Variants in LRRC69 observed in about 807,000 individuals in gnomAD.
LRRC69 encodes leucine-rich repeat-containing protein 69.
In LRRC69, 42 loss-of-function variants were observed where a neutral mutation model predicts 37.8. The ratio of observed to expected loss-of-function variants is 1.11; its 90% CI spans 0.87 to 1.44. The LOEUF is 1.44. Among genes scored for constraint, LRRC69 ranks in the 40% most tolerant of loss-of-function variants. The pLI is 0.00. For synonymous variants in LRRC69, 141 were observed against 143.1 expected (o/e 0.99, Z 0.11); for missense variants, 357 against 401.9 (o/e 0.89, Z 0.96).
Position 91,114,455 on chromosome 8 carries a change from G to GTGTGTGTGTATA in LRRC69, c.184-10037_184-10036insGTGTGTGTATAT, listed in dbSNP as rs142337818. Among the ~76,000 whole-genome samples, 53 of 151,086 alleles carry GTGTGTGTGTATA rather than the reference G, an allele frequency of 3.5e-4. 1 individual carries two copies. The highest frequency in any genetic ancestry group is 1.5e-3 in the South Asian group (7 of 4,810). ...AAAATGTTTGTGTATGTGTGTGTGT[G>GTGTGTGTGTATA]TATATATATATGTATGTATGCACAT... On this transcript the variant is annotated intron_variant, in intron 1 of 7. Coordinates refer to ENST00000448384, the Ensembl canonical transcript of LRRC69.
chr8:91,197,730 G>T (rs368430145), intron 6 of LRRC69, among the ~76,000 whole-genome samples: 13 of 151,976 alleles, frequency 8.6e-5, no homozygotes, highest in African/African-American at 2.9e-4. Context: ...CCCACTGACC[G>T]GCGCCCACTG....
At chr8:91,207,056 A>G (rs1233344241) in intron 7 of LRRC69, among the ~76,000 whole-genome samples, 1 of 152,014 alleles carries the variant, frequency 6.6e-6, no homozygotes, top group Non-Finnish European at 1.5e-5. Flanking sequence ...AAACTTATTT[A>G]TTTTTTTCTA....
At chr8:91,120,343 A>G (rs906024504) in intron 1 of LRRC69, among the ~76,000 whole-genome samples, 2 of 152,064 alleles carry the variant, frequency 1.3e-5, no homozygotes. Context: ...TACACTATAT[A>G]TCTGGGAAAT....
At chr8:91,138,653 A>C (rs1487376719) in intron 5 of LRRC69, 4 of 151,866 alleles carry the variant, frequency 2.6e-5, no homozygotes, top group Non-Finnish European at 5.9e-5. Context: ...TTTACAGTAA[A>C]AAATTGGACT....
intron 6 of LRRC69, among the ~76,000 whole-genome samples, chr8:91,199,688 A>C (rs915192064): frequency 5.9e-5 from 9 of 152,134 alleles, no homozygotes; most frequent in Middle Eastern, 3.2e-3. Context: ...ATCCCCAAAC[A>C]CTGTTAAAAT....
At chr8:91,177,880 G>C (rs1169902584) in intron 5 of LRRC69, among the ~76,000 whole-genome samples, 1 of 113,234 alleles carries the variant, frequency 8.8e-6, no homozygotes, top group Middle Eastern at 7.1e-3. Flanking sequence ...ACAGAGTCTT[G>C]CTGTGTTGCC....
At chr8:91,153,240 A>G (rs1808772992) in intron 5 of LRRC69, among the ~76,000 whole-genome samples, 1 of 151,426 alleles carries the variant, frequency 6.6e-6, no homozygotes, top group African/African-American at 2.4e-5. Flanking sequence ...AACTACAAGG[A>G]GACTTAGACT....
At chr8:91,118,302 C>G (rs375796392) in intron 1 of LRRC69, 2 of 410,738 alleles carry the variant, frequency 4.9e-6, no homozygotes, top group African/African-American at 4.8e-5. Flanking sequence ...ACCAGGAGTT[C>G]GAGACCAGCC....
intron 5 of LRRC69, among the ~76,000 whole-genome samples, chr8:91,165,979 T>G (rs1809021650): frequency 6.6e-6 from 1 of 151,664 alleles, no homozygotes; most frequent in African/African-American, 2.4e-5. Flanking sequence ...CATAATAGAG[T>G]GAAGGGCAGC....
chr8:91,143,919 T>C (rs985090625), intron 5 of LRRC69, among the ~76,000 whole-genome samples: 28 of 152,004 alleles, frequency 1.8e-4, no homozygotes, highest in Non-Finnish European at 3.7e-4. Context: ...TGTGTGACCT[T>C]GGAGAGGTAA....
At chr8:91,208,680 C>T (rs975372670) in intron 7 of LRRC69, among the ~76,000 whole-genome samples, 13 of 152,208 alleles carry the variant, frequency 8.5e-5, no homozygotes, top group Non-Finnish European at 1.8e-4. Context: ...CTTAGAATTT[C>T]CTTCCCTTCC....
intron 1 of LRRC69, among the ~76,000 whole-genome samples, chr8:91,122,109 G>A (rs753230982): frequency 3.9e-4 from 60 of 151,962 alleles, no homozygotes; most frequent in Non-Finnish European, 7.6e-4. Flanking sequence ...TACAAAATGA[G>A]CACTGTACAG....
At chr8:91,183,134 G>A (rs1212634873) in intron 5 of LRRC69, among the ~76,000 whole-genome samples, 2 of 152,204 alleles carry the variant, frequency 1.3e-5, no homozygotes, top group African/African-American at 2.4e-5. Flanking sequence ...GGAGCAGGCT[G>A]TGGCCCAGGA....
chr8:91,152,832 A>G (rs2130549920), intron 5 of LRRC69, among the ~76,000 whole-genome samples: 1 of 150,998 alleles, frequency 6.6e-6, no homozygotes, highest in East Asian at 2.0e-4. Flanking sequence ...TGTACACAAT[A>G]ACCAGCTAGC....
chr8:91,172,636 C>G (rs922573707), intron 5 of LRRC69, among the ~76,000 whole-genome samples: 4 of 151,954 alleles, frequency 2.6e-5, no homozygotes, highest in African/African-American at 7.2e-5. Flanking sequence ...CTGCCTCAGC[C>G]TCCCGAGTAG....
At chr8:91,160,366 T>C (rs1470053822) in intron 5 of LRRC69, among the ~76,000 whole-genome samples, 1 of 150,982 alleles carries the variant, frequency 6.6e-6, no homozygotes, top group Non-Finnish European at 1.5e-5. Flanking sequence ...TCTTGTTTCT[T>C]AATTTCATTC....
intron 5 of LRRC69, among the ~76,000 whole-genome samples, chr8:91,177,673 A>G (rs78041518): frequency 0.01 from 1,589 of 152,254 alleles, 39 homozygotes; most frequent in East Asian, 0.088. Flanking sequence ...TCAAAAGCAG[A>G]AAGTGAACAA....
At chr8:91,177,957 C>A (rs1452375394) in intron 5 of LRRC69, among the ~76,000 whole-genome samples, 1 of 151,110 alleles carries the variant, frequency 6.6e-6, no homozygotes, top group African/African-American at 2.4e-5. Context: ...CATGCCATTC[C>A]CCTGCCTCAG....
At chr8:91,160,071 A>G (rs1197450049) in intron 5 of LRRC69, among the ~76,000 whole-genome samples, 1 of 151,152 alleles carries the variant, frequency 6.6e-6, no homozygotes, top group Non-Finnish European at 1.5e-5. Context: ...TTTTAGCAGT[A>G]TTTTGTAGGT....
Sources: gnomAD v4.1 joint callset for allele counts (sites outside exome capture counted in the v4.1 genomes callset) on GRCh38, gnomAD v4.1.1 for gene constraint, MANE v1.5 for transcripts, NCBI Gene and HGNC (gene_info 2026-07-23, HGNC 2026-07-21) for gene names.